Variants in MGAT4C observed in about 807,000 individuals in gnomAD.
MGAT4C encodes alpha-1,3-mannosyl-glycoprotein 4-beta-N-acetylglucosaminyltransferase C.
A neutral mutation model predicts 40.1 loss-of-function variants in MGAT4C; 19 were observed. That is an observed-to-expected ratio of 0.47 (90% CI 0.33 to 0.70). The LOEUF is 0.70. Among genes scored for constraint, MGAT4C ranks in the 30% least tolerant of loss-of-function variants. MGAT4C has a pLI of 0.02. For synonymous variants in MGAT4C, 181 were observed against 187.1 expected, an observed-to-expected ratio of 0.97 and a Z score of 0.27; for missense variants, 491 against 563.2, an observed-to-expected ratio of 0.87 and a Z score of 1.30.
intron 2 of MGAT4C, among the ~76,000 whole-genome samples, chr12:86,650,146 T>C (rs963457958): frequency 2.6e-5 from 4 of 151,864 alleles, no homozygotes; most frequent in Non-Finnish European, 4.4e-5. Context: ...TCTGACAACA[T>C]TGGGCATATT....
intron 3 of MGAT4C, among the ~76,000 whole-genome samples, chr12:86,421,174 T>C (rs781139514): frequency 6.6e-5 from 10 of 152,116 alleles, no homozygotes; most frequent in African/African-American, 9.7e-5. Flanking sequence ...TGTCTCTACA[T>C]GGCAGAAGTA....
At chr12:86,217,427 C>T (rs867201735) in intron 1 of MGAT4C, among the ~76,000 whole-genome samples, 13 of 152,116 alleles carry the variant, frequency 8.5e-5, no homozygotes, top group African/African-American at 2.4e-4. Context: ...CCACCCGCCT[C>T]GACCTCCCAA....
At chr12:86,064,829 GA>G (rs1315361241) in intron 1 of MGAT4C, among the ~76,000 whole-genome samples, 2 of 151,790 alleles carry the variant, frequency 1.3e-5, no homozygotes, top group Non-Finnish European at 2.9e-5. Flanking sequence ...TAATAAAGAA[GA>G]AAAGAGAGAA....
chr12:86,512,350 C>T lies in MGAT4C; in HGVS notation c.-228-77085G>A, dbSNP rs148354650. ...GCAACTGCTATGGAGAAGAGTATGG[C>T]GGTGCCTTAAACATTTTAAAATATA... is the stretch of plus-strand genomic sequence containing the variant. On this transcript the variant is annotated intron_variant, in intron 2 of 7. Transcript: ENST00000548651. Among the ~76,000 whole-genome samples the T allele has an allele frequency of 3.3e-5, 5 of 152,072 alleles. No homozygotes were observed. In the East Asian group the frequency reaches 7.7e-4, roughly 24 times the overall value.
At position 86,106,542 on chromosome 12, in the gene MGAT4C, C is replaced by T. The variant is rs915991542; in HGVS notation, c.-56-56819G>A. Reference sequence around the variant, plus strand: ...CTGTTCTTGAACTCCTGGGCTCAAGCAATCCTCTCGTCTCAGCCTCCTAAA... The same window carrying T: ...CTGTTCTTGAACTCCTGGGCTCAAGTAATCCTCTCGTCTCAGCCTCCTAAA... On this transcript the variant is annotated intron_variant, in intron 1 of 4. Coordinates refer to ENST00000611864, the MANE Select transcript of MGAT4C (RefSeq NM_001351288.2). Among the ~76,000 whole-genome samples, 5 of 152,148 alleles carry T rather than the reference C, an allele frequency of 3.3e-5. No individual in the cohort carries two copies. In the East Asian group the frequency reaches 7.7e-4, roughly 24 times the overall value.
intron 2 of MGAT4C, among the ~76,000 whole-genome samples, chr12:86,447,806 C>T (rs1957364810): frequency 1.3e-5 from 2 of 152,110 alleles, no homozygotes; most frequent in Non-Finnish European, 2.9e-5. Flanking sequence ...CAATGTTTGC[C>T]TACTTAGGTG....
In MGAT4C at chr12:86,080,211, T is replaced by A. The variant is rs147251682; in HGVS notation, c.-56-30488A>T. Among the ~76,000 whole-genome samples, 1,371 of 152,272 alleles carry A rather than the reference T, an allele frequency of 9.0e-3. 21 individuals carry two copies. Among genetic ancestry groups the A allele is most frequent in the African/African-American group, 0.031 (1,286 of 41,554 alleles). On this transcript the variant is annotated intron_variant, in intron 1 of 4. Transcript: ENST00000611864. ...TTTTGTCTCCTGTTGTATCTATTAATAAACATTCTGGCTTTAGTTATAGAG... is the reference window on the plus strand; with the variant it reads ...TTTTGTCTCCTGTTGTATCTATTAAAAAACATTCTGGCTTTAGTTATAGAG...
intron 2 of MGAT4C, among the ~76,000 whole-genome samples, chr12:86,565,849 C>A (rs1391667045): frequency 6.6e-6 from 1 of 152,172 alleles, no homozygotes. Flanking sequence ...CTTGTCATTG[C>A]CCAGTGGGCC....
chr12:86,212,798 A>G (rs1391934824), intron 1 of MGAT4C, among the ~76,000 whole-genome samples: 1 of 97,410 alleles, frequency 1.0e-5, no homozygotes, highest in Non-Finnish European at 2.1e-5. Context: ...AGGCTGAGGC[A>G]GGAGAATGGC....
rs78377937 is a variant in MGAT4C, at chr12:86,487,506, T to C, written c.-228-52241A>G. On this transcript the variant is annotated intron_variant, in intron 2 of 7. Coordinates refer to the MGAT4C transcript ENST00000548651. ...AACTTACCAATTTAGAAAACAAGTA[T>C]TTCCGAATTTTGATGTTTATAATTG... is the stretch of plus-strand genomic sequence containing the variant. Among the ~76,000 whole-genome samples, 4 of 152,302 alleles carry C rather than the reference T, an allele frequency of 2.6e-5. No homozygotes were observed. The East Asian group carries it at 7.7e-4, about 29-fold the overall frequency.
intron 4 of MGAT4C, among the ~76,000 whole-genome samples, chr12:86,318,315 T>A (rs1022276256): frequency 1.3e-5 from 2 of 152,224 alleles, no homozygotes; most frequent in African/African-American, 4.8e-5. Flanking sequence ...ACGCCTCACA[T>A]TATTGAAACA....
In MGAT4C at chr12:86,581,601, A is replaced by G. The variant is rs1960779901; in HGVS notation, c.-229+145608T>C. On this transcript the variant is annotated intron_variant, in intron 2 of 7. Coordinates refer to the MGAT4C transcript ENST00000548651. ...CTTGGCCAGTCTGCTTAAACAGCAT[A>G]CTAACAAATTTTGAAATACATCTTC... Among the ~76,000 whole-genome samples, 3 of 151,442 alleles carry G rather than the reference A, an allele frequency of 2.0e-5. No homozygotes were observed. In the South Asian group the frequency reaches 6.2e-4, roughly 31 times the overall value.
chr12:86,664,890 T>C (rs1463462911), intron 2 of MGAT4C, among the ~76,000 whole-genome samples: 2 of 152,318 alleles, frequency 1.3e-5, no homozygotes, highest in East Asian at 1.9e-4. Flanking sequence ...AGACACATTA[T>C]TCAACTATCA....
chr12:86,567,580 C>T (rs1360145936), intron 2 of MGAT4C, among the ~76,000 whole-genome samples: 1 of 152,142 alleles, frequency 6.6e-6, no homozygotes, highest in Non-Finnish European at 1.5e-5. Context: ...GAAATTACAA[C>T]AGCCCACTCC....
chr12:86,332,888 TA>T (rs1284377314), intron 4 of MGAT4C, among the ~76,000 whole-genome samples: 3 of 152,162 alleles, frequency 2.0e-5, no homozygotes, highest in Admixed American at 6.6e-5. Context: ...ACTTGCATAT[TA>T]AGTGATAGTC....
At chr12:86,629,150 G>A (rs978396042) in intron 2 of MGAT4C, among the ~76,000 whole-genome samples, 33 of 151,998 alleles carry the variant, frequency 2.2e-4, no homozygotes, top group African/African-American at 8.0e-4. Flanking sequence ...GGTCAAAAGA[G>A]ACAAAGAAGG....
At chr12:86,583,762 T>C (rs1241715702) in intron 2 of MGAT4C, among the ~76,000 whole-genome samples, 1 of 151,204 alleles carries the variant, frequency 6.6e-6, no homozygotes, top group Non-Finnish European at 1.5e-5. Context: ...GAAAATTAAA[T>C]TAAAATTATT....
intron 2 of MGAT4C, among the ~76,000 whole-genome samples, chr12:86,720,300 C>T (rs1445797040): frequency 5.6e-5 from 3 of 53,554 alleles, no homozygotes; most frequent in Non-Finnish European, 2.0e-4. Context: ...AGCTGCATGA[C>T]CTTTTATAAT....
At chr12:86,665,055 CCCCA>C (rs1470152346) in intron 2 of MGAT4C, among the ~76,000 whole-genome samples, 1 of 152,000 alleles carries the variant, frequency 6.6e-6, no homozygotes, top group Non-Finnish European at 1.5e-5. Context: ...AGCCCCCTCC[CCCCA>C]CCACCTTGTT....
Sources: allele counts gnomAD v4.1 joint callset (sites outside exome capture counted in the v4.1 genomes callset), GRCh38; gene constraint gnomAD v4.1.1; transcripts MANE v1.5; gene names NCBI Gene and HGNC (gene_info 2026-07-23, HGNC 2026-07-21).